The following IMMP2L variants were observed in gnomAD, a reference collection of about 807,000 sequenced individuals.
IMMP2L encodes mitochondrial inner membrane protease subunit 2.
IMMP2L carries 18 observed loss-of-function variants against 19.3 expected under a neutral mutation model. The ratio of observed to expected loss-of-function variants is 0.93; its 90% CI spans 0.64 to 1.38. The LOEUF (loss-of-function observed/expected upper bound fraction) is 1.38. Ranked by LOEUF, IMMP2L falls within the 40% of genes most tolerant of loss-of-function variation. The pLI, the probability that IMMP2L is intolerant of heterozygous loss-of-function variation, is 0.00. For synonymous variants in IMMP2L, 76 were observed against 73.0 expected (o/e 1.04, Z -0.21); for missense variants, 233 against 218.2 (o/e 1.07, Z -0.43).
At chr7:111,053,235 G>A (rs1008149096) in intron 3 of IMMP2L, among the ~76,000 whole-genome samples, 5 of 152,196 alleles carry the variant, frequency 3.3e-5, no homozygotes, top group Non-Finnish European at 5.9e-5. Context: ...TTATATGTTG[G>A]CATGCTTCCA....
At chr7:111,017,117 G>C (rs1825788405) in intron 3 of IMMP2L, among the ~76,000 whole-genome samples, 1 of 148,858 alleles carries the variant, frequency 6.7e-6, no homozygotes, top group African/African-American at 2.5e-5. Context: ...TCTGTTGCTG[G>C]AGTGCAGTGC....
intron 5 of IMMP2L, among the ~76,000 whole-genome samples, chr7:110,671,348 T>G (rs1285662865): frequency 6.6e-6 from 1 of 152,250 alleles, no homozygotes; most frequent in Non-Finnish European, 1.5e-5. Context: ...GATTCTTATT[T>G]TAGATACAAA....
At chr7:111,482,840 A>T (rs1195950078) in intron 3 of IMMP2L, among the ~76,000 whole-genome samples, 2 of 152,158 alleles carry the variant, frequency 1.3e-5, no homozygotes, top group Admixed American at 6.5e-5. Flanking sequence ...GGCATCAAAC[A>T]TTAAAGAGGC....
intron 3 of IMMP2L, among the ~76,000 whole-genome samples, chr7:111,293,187 T>C (rs955304382): frequency 6.6e-6 from 1 of 151,982 alleles, no homozygotes; most frequent in African/African-American, 2.4e-5. Flanking sequence ...GTGTATTGAT[T>C]GAGCATTAGA....
At chr7:111,417,112 C>A (rs1366099153) in intron 3 of IMMP2L, among the ~76,000 whole-genome samples, 1 of 151,682 alleles carries the variant, frequency 6.6e-6, no homozygotes, top group Non-Finnish European at 1.5e-5. Context: ...ATTGAAGAAA[C>A]AGTACTTATT....
At chr7:110,742,682 C>A (rs1797061138) in intron 5 of IMMP2L, among the ~76,000 whole-genome samples, 1 of 150,430 alleles carries the variant, frequency 6.6e-6, no homozygotes, top group South Asian at 2.1e-4. Context: ...GCAGAGGAAT[C>A]ACTTGAACTG....
intron 5 of IMMP2L, among the ~76,000 whole-genome samples, chr7:110,799,538 A>G (rs538171029): frequency 2.0e-5 from 3 of 152,160 alleles, no homozygotes; most frequent in East Asian, 3.9e-4. Context: ...GTCATGTAAT[A>G]TATAGATTAC....
intron 3 of IMMP2L, among the ~76,000 whole-genome samples, chr7:111,435,154 C>T (rs1477211128): frequency 6.6e-6 from 1 of 151,720 alleles, no homozygotes; most frequent in African/African-American, 2.4e-5. Flanking sequence ...AGTGAAACTA[C>T]CATTAGATAT....
intron 3 of IMMP2L, among the ~76,000 whole-genome samples, chr7:111,320,842 C>A (rs1824612612): frequency 6.6e-6 from 1 of 151,954 alleles, no homozygotes. Flanking sequence ...CCATACAGTA[C>A]TGTTTACTTT....
In IMMP2L at chr7:110,840,113, C is replaced by T. The variant is rs146449266; in HGVS notation, c.408+46480G>A. Reference sequence around the variant, plus strand: ...TTGGCAGAAGTCCAGGTTCCTTGAACGGTCACAGCTGCTGCTAGAAGTTCC... The same window carrying T: ...TTGGCAGAAGTCCAGGTTCCTTGAATGGTCACAGCTGCTGCTAGAAGTTCC... On this transcript the variant is annotated intron_variant, in intron 5 of 5. Coordinates refer to ENST00000405709, the MANE Select transcript of IMMP2L (RefSeq NM_032549.4). Among the ~76,000 whole-genome samples the T allele has an allele frequency of 5.9e-3, 891 of 152,240 alleles. 5 individuals are homozygous for T. The highest frequency in any genetic ancestry group is 0.018 in the African/African-American group (728 of 41,550).
At chr7:111,292,670 G>A (rs1483426802) in intron 3 of IMMP2L, among the ~76,000 whole-genome samples, 3 of 151,954 alleles carry the variant, frequency 2.0e-5, no homozygotes, top group Non-Finnish European at 2.9e-5. Flanking sequence ...AAACTTCCCA[G>A]GGTGGGCCAG....
At chr7:111,294,737 TAATGC>T (rs961105110) in intron 3 of IMMP2L, among the ~76,000 whole-genome samples, 1 of 151,922 alleles carries the variant, frequency 6.6e-6, no homozygotes, top group African/African-American at 2.4e-5. Context: ...AAGCGCCATG[TAATGC>T]AAGTGACAGT....
chr7:111,124,240 G>A (rs1801014892), intron 3 of IMMP2L: 1 of 1,613,894 alleles, frequency 6.2e-7, no homozygotes, highest in African/African-American at 1.3e-5. Context: ...AACTCCCAAA[G>A]AAGGGGGTTT....
At chr7:111,188,058 C>T (rs1808468937) in intron 3 of IMMP2L, among the ~76,000 whole-genome samples, 1 of 152,012 alleles carries the variant, frequency 6.6e-6, no homozygotes. Flanking sequence ...TGGGAACTTC[C>T]TGGCAGAGCC....
chr7:110,729,378 G>C (rs898980909), intron 5 of IMMP2L, among the ~76,000 whole-genome samples: 1 of 152,138 alleles, frequency 6.6e-6, no homozygotes, highest in African/African-American at 2.4e-5. Context: ...TGGAGAAACT[G>C]CCAAACACTT....
chr7:110,706,851 T>A (rs975134712), intron 5 of IMMP2L, among the ~76,000 whole-genome samples: 21 of 151,994 alleles, frequency 1.4e-4, no homozygotes, highest in Non-Finnish European at 2.8e-4. Flanking sequence ...TTAGTTTAAT[T>A]AGGTCCCACT....
At position 110,965,595 on chromosome 7, in the gene IMMP2L, T is replaced by C. The variant is rs547863528; in HGVS notation, c.240-2030A>G. Among the ~76,000 whole-genome samples the C allele has an allele frequency of 5.1e-4, 78 of 152,096 alleles. 1 individual carries two copies. The highest frequency in any genetic ancestry group is 1.8e-3 in the African/African-American group (75 of 41,546). ...TAATGTACAGCTGAAGTGAGGGGTATGGGCATATTCAAGCTAATGAAATTA... is the reference window on the plus strand; with the variant it reads ...TAATGTACAGCTGAAGTGAGGGGTACGGGCATATTCAAGCTAATGAAATTA... On this transcript the variant is annotated intron_variant, in intron 3 of 5. Transcript: ENST00000405709.
At chr7:111,155,349 G>C (rs974067383) in intron 3 of IMMP2L, among the ~76,000 whole-genome samples, 4 of 152,082 alleles carry the variant, frequency 2.6e-5, no homozygotes, top group Admixed American at 1.3e-4. Flanking sequence ...CTTCTGGGGA[G>C]AATGTCACTG....
rs1050789075 is a variant in IMMP2L, at chr7:111,372,489, C to T, written c.239+114749G>A. Among the ~76,000 whole-genome samples, 39 of 151,948 alleles carry T rather than the reference C, an allele frequency of 2.6e-4. 1 individual carries two copies. The Admixed American group carries it at 2.6e-3, about 10-fold the overall frequency. ...CACCAGATCCCACTGGCTACTATCA[C>T]ACAACCACAAAATGAGCCACCTTAC... On this transcript the variant is annotated intron_variant, in intron 3 of 5. Coordinates refer to ENST00000405709, the MANE Select transcript of IMMP2L (RefSeq NM_032549.4).
Sources: gnomAD v4.1 joint callset for allele counts (sites outside exome capture counted in the v4.1 genomes callset) on GRCh38, gnomAD v4.1.1 for gene constraint, MANE v1.5 for transcripts, NCBI Gene and HGNC (gene_info 2026-07-23, HGNC 2026-07-21) for gene names.